MYBL1: variants seen among roughly 807,000 people sequenced by gnomAD.
MYBL1 encodes the protein myb-related protein A.
In MYBL1, 17 loss-of-function variants were observed where a neutral mutation model predicts 96.3. The ratio of observed to expected loss-of-function variants is 0.18; its 90% CI spans 0.12 to 0.26. MYBL1 has a LOEUF of 0.26. Ranked by LOEUF, MYBL1 falls within the 10% of genes least tolerant of loss-of-function variation. The pLI is 1.00. For missense variants in MYBL1, 701 were observed against 882.9 expected (o/e 0.79, Z 2.61); for synonymous variants, 282 against 292.7 (o/e 0.96, Z 0.37).
At chr8:66,590,090 A>C (rs1809578753) in intron 8 of MYBL1, among the ~76,000 whole-genome samples, 1 of 152,108 alleles carries the variant, frequency 6.6e-6, no homozygotes, top group African/African-American at 2.4e-5. Flanking sequence ...TCCCAAAAAA[A>C]CAAAAAACAG....
At chr8:66,599,657 G>A (rs894350966) in intron 3 of MYBL1, among the ~76,000 whole-genome samples, 4 of 151,982 alleles carry the variant, frequency 2.6e-5, no homozygotes, top group Admixed American at 6.6e-5. Flanking sequence ...AAAATTAGCC[G>A]GATGTGGTGG....
chr8:66,604,177 G>A (rs535006691), intron 1 of MYBL1, among the ~76,000 whole-genome samples: 1 of 152,292 alleles, frequency 6.6e-6, no homozygotes, highest in South Asian at 2.1e-4. Flanking sequence ...TTTCAAATCA[G>A]TGGAGTAAAG....
chr8:66,576,505 A>AT (rs1008835586), intron 9 of MYBL1, 130 bp from the exon 10 acceptor site: 48 of 1,065,842 alleles, frequency 4.5e-5, no homozygotes, highest in Admixed American at 5.4e-5. Flanking sequence ...TTCCTTGGAC[A>AT]TTTTTTTTAA....
chr8:66,568,622 T>C (rs1273527203), intron 12 of MYBL1, among the ~76,000 whole-genome samples: 2 of 152,160 alleles, frequency 1.3e-5, no homozygotes, highest in Admixed American at 1.3e-4. Flanking sequence ...TTTTTAATGA[T>C]GGTATTTCAC....
intron 9 of MYBL1, among the ~76,000 whole-genome samples, chr8:66,579,760 GT>G (rs1809124806): frequency 6.6e-6 from 1 of 151,932 alleles, no homozygotes. Context: ...GTATTTTTGG[GT>G]TTAAAAATAT....
At chr8:66,600,945 T>TA (rs1022968339) in intron 3 of MYBL1, among the ~76,000 whole-genome samples, 2 of 151,700 alleles carry the variant, frequency 1.3e-5, no homozygotes, top group Non-Finnish European at 2.9e-5. Flanking sequence ...CCGAGGCAGT[T>TA]AGATCACCTG....
At chr8:66,610,933 T>C (rs1810503958) in intron 1 of MYBL1, among the ~76,000 whole-genome samples, 1 of 152,194 alleles carries the variant, frequency 6.6e-6, no homozygotes, top group Non-Finnish European at 1.5e-5. Context: ...CATTCTATCA[T>C]GTTTAAATTA....
At position 66,576,110 on chromosome 8, in the gene MYBL1, C is replaced by T; in HGVS notation, c.1367G>A (p.Gly456Asp). 1.2e-6 allele frequency: 2 copies of T among 1,613,956 alleles called. No homozygotes were observed. Among genetic ancestry groups the T allele is most frequent in the South Asian group, 2.2e-5 (2 of 91,088 alleles). ...ILRKKRKMRVGHSPGSELRDG... is the reference protein window; with the variant it reads ...ILRKKRKMRVDHSPGSELRDG... ...CCTAAGTTCGCTGCCTGGGGAATGA[C>T]CCACTCGCATTTTTCTCTTCTTTCT... The change falls in exon 10 of 16, where the codon GGT (glycine) becomes GAT (aspartate). Residue 456 changes from glycine to aspartate, a missense_variant. Transcript: ENST00000522677.
intron 12 of MYBL1, among the ~76,000 whole-genome samples, chr8:66,569,237 G>A (rs184852049): frequency 6.6e-6 from 1 of 152,052 alleles, no homozygotes; most frequent in African/African-American, 2.4e-5. Flanking sequence ...TTGGTTTGCT[G>A]AGGATAATGG....
intron 1 of MYBL1, among the ~76,000 whole-genome samples, chr8:66,604,427 G>A (rs189646515): frequency 6.6e-6 from 1 of 151,878 alleles, no homozygotes; most frequent in Non-Finnish European, 1.5e-5. Context: ...GGAGGCTGAA[G>A]CAGGAGAATC....
intron 1 of MYBL1, among the ~76,000 whole-genome samples, chr8:66,607,715 C>T: frequency 7.3e-6 from 1 of 136,340 alleles, no homozygotes; most frequent in South Asian, 2.3e-4. Context: ...AAAAAAAAAA[C>T]ACCTCCAAGT....
intron 8 of MYBL1, among the ~76,000 whole-genome samples, chr8:66,581,542 T>A (rs1386505547): frequency 6.6e-6 from 1 of 152,100 alleles, no homozygotes; most frequent in Non-Finnish European, 1.5e-5. Flanking sequence ...CTGGGCATGG[T>A]ACCATGCGCC....
chr8:66,592,847 T>C (rs1277952496), intron 7 of MYBL1, among the ~76,000 whole-genome samples: 1 of 152,166 alleles, frequency 6.6e-6, no homozygotes, highest in East Asian at 1.9e-4. Context: ...ATATATTCTA[T>C]ACAATTTAGC....
At chr8:66,593,390 TAA>T (rs1809728702) in intron 6 of MYBL1, among the ~76,000 whole-genome samples, 196 bp from the exon 7 acceptor site, 1 of 152,206 alleles carries the variant, frequency 6.6e-6, no homozygotes, top group Non-Finnish European at 1.5e-5. Context: ...AATCTATGAT[TAA>T]AAGTCGTAAC....
chr8:66,581,546 A>G (rs1183853601), intron 8 of MYBL1, among the ~76,000 whole-genome samples: 1 of 152,070 alleles, frequency 6.6e-6, no homozygotes, highest in Non-Finnish European at 1.5e-5. Flanking sequence ...GCATGGTACC[A>G]TGCGCCTGTA....
At chr8:66,601,597 A>G in intron 3 of MYBL1, 101 bp downstream of exon 3, 1 of 647,608 alleles carries the variant, frequency 1.5e-6, no homozygotes, top group Non-Finnish European at 2.6e-6. Context: ...TAGGAAGGAA[A>G]CCTAAAATTA....
chr8:66,612,729 G>T, intron 1 of MYBL1, 90 bp downstream of exon 1: 1 of 1,285,392 alleles, frequency 7.8e-7, no homozygotes. Flanking sequence ...CGCCAGGGAG[G>T]GCCTTATGGC....
chr8:66,612,983 C>T lies in MYBL1; in HGVS notation c.-145G>A, dbSNP rs553633094. The T allele has an allele frequency of 3.3e-6, 3 of 922,626 alleles. No homozygotes were observed. The South Asian group carries it at 1.4e-4, about 43-fold the overall frequency. 57.2% of individuals were successfully genotyped at this position (922,626 alleles called of 1,614,324 possible). Reference sequence around the variant, plus strand: ...CCGAGTGCGGAACGCACGTCCTCGACAGGGCAGGACGGAGGGACAGCGGGG... The same window carrying T: ...CCGAGTGCGGAACGCACGTCCTCGATAGGGCAGGACGGAGGGACAGCGGGG... On this transcript the variant is annotated 5_prime_UTR_variant, in exon 1 of 16. Transcript: ENST00000522677.
intron 10 of MYBL1, among the ~76,000 whole-genome samples, chr8:66,575,608 G>A (rs1431471756): frequency 2.6e-5 from 4 of 152,096 alleles, no homozygotes; most frequent in Non-Finnish European, 5.9e-5. Flanking sequence ...TGGGCAACAT[G>A]GTAAAACCCC....
Sources: allele counts gnomAD v4.1 joint callset (sites outside exome capture counted in the v4.1 genomes callset), GRCh38; gene constraint gnomAD v4.1.1; transcripts MANE v1.5; gene names NCBI Gene and HGNC (gene_info 2026-07-23, HGNC 2026-07-21).